The following XKR4 variants were observed in gnomAD, a reference collection of about 807,000 sequenced individuals.
The protein encoded by XKR4 is XK-related protein 4.
XKR4 carries 12 observed loss-of-function variants against 53.9 expected under a neutral mutation model. The ratio of observed to expected loss-of-function variants is 0.22; its 90% CI spans 0.14 to 0.36. The LOEUF is 0.36. Among genes scored for constraint, XKR4 ranks in the 10% least tolerant of loss-of-function variants. The pLI, the probability that XKR4 is intolerant of heterozygous loss-of-function variation, is 1.00. For missense variants in XKR4, 799 were observed against 859.5 expected, an observed-to-expected ratio of 0.93 and a Z score of 0.88; for synonymous variants, 354 against 362.4, an observed-to-expected ratio of 0.98 and a Z score of 0.26.
chr8:55,198,174 G>C (rs1167479891), intron 1 of XKR4, among the ~76,000 whole-genome samples: 1 of 152,186 alleles, frequency 6.6e-6, no homozygotes, highest in African/African-American at 2.4e-5. Flanking sequence ...TGCCTGTGCA[G>C]ATCAACCAGG....
intron 1 of XKR4, among the ~76,000 whole-genome samples, chr8:55,125,443 A>C (rs540366881): frequency 7.2e-5 from 11 of 152,314 alleles, no homozygotes; most frequent in Non-Finnish European, 1.0e-4. Flanking sequence ...CATGTTGGTC[A>C]GGCTGGTCTC....
At chr8:55,196,345 C>T (rs1214584937) in intron 1 of XKR4, among the ~76,000 whole-genome samples, 1 of 152,000 alleles carries the variant, frequency 6.6e-6, no homozygotes, top group Non-Finnish European at 1.5e-5. Context: ...CCATGCGCAG[C>T]TAATTTTTTG....
At chr8:55,451,896 C>G in intron 2 of XKR4, 2 of 834,210 alleles carry the variant, frequency 2.4e-6, no homozygotes, top group Non-Finnish European at 4.0e-6. Context: ...CCAGCTCTTC[C>G]GACACTGAGA....
chr8:55,324,955 G>A (rs1230896251), intron 1 of XKR4, among the ~76,000 whole-genome samples: 1 of 151,896 alleles, frequency 6.6e-6, no homozygotes, highest in African/African-American at 2.4e-5. Context: ...AATTCTACAG[G>A]GTCACTGATT....
intron 1 of XKR4, among the ~76,000 whole-genome samples, chr8:55,240,894 T>G (rs1818201263): frequency 6.6e-6 from 1 of 152,116 alleles, no homozygotes; most frequent in African/African-American, 2.4e-5. Context: ...TTATTTCCAG[T>G]GTTATACTCT....
rs549193720 is a variant in XKR4 at position 55,447,294 on chromosome 8, T to C, written c.1007-75987T>C. Among the ~76,000 whole-genome samples the C allele has an allele frequency of 9.9e-5, 15 of 152,212 alleles. 1 individual carries two copies. The South Asian group carries it at 1.9e-3, about 19-fold the overall frequency. The stretch of plus-strand genomic sequence containing the variant: ...AAGAGGATATGACTTCTTAATAAAT[T>C]AGATAGAAAGTGAGAGCCAAATCCA... On this transcript the variant is annotated intron_variant, in intron 2 of 2. Transcript: ENST00000327381.
At chr8:55,416,183 T>TA (rs1403672429) in intron 2 of XKR4, among the ~76,000 whole-genome samples, 2 of 152,110 alleles carry the variant, frequency 1.3e-5, no homozygotes, top group African/African-American at 4.8e-5. Flanking sequence ...ATTAAAGGGC[T>TA]AAAAAATGGA....
At chr8:55,357,514 G>A (rs1004502863) in intron 1 of XKR4, among the ~76,000 whole-genome samples, 164 bp from the exon 2 acceptor site, 5 of 152,148 alleles carry the variant, frequency 3.3e-5, no homozygotes, top group Admixed American at 1.3e-4. Flanking sequence ...ACAAATATGG[G>A]TACTCTTAAG....
At position 55,233,476 on chromosome 8, in the gene XKR4, G is replaced by T. The variant is rs78327895; in HGVS notation, c.807-124202G>T. Among the ~76,000 whole-genome samples the T allele has an allele frequency of 4.6e-3, 702 of 152,212 alleles. 6 individuals are homozygous for T. Among genetic ancestry groups the T allele is most frequent in the African/African-American group, 0.016 (654 of 41,550 alleles). The stretch of plus-strand genomic sequence containing the variant: ...GGAACAGCACTTGGTCCCATCACCT[G>T]GAAGGGCATGGCCTCATGCCTGCAC... On this transcript the variant is annotated intron_variant, in intron 1 of 2. Coordinates refer to ENST00000327381, the MANE Select transcript of XKR4 (RefSeq NM_052898.2).
At chr8:55,332,616 T>A (rs899612855) in intron 1 of XKR4, among the ~76,000 whole-genome samples, 5 of 152,070 alleles carry the variant, frequency 3.3e-5, no homozygotes, top group African/African-American at 1.2e-4. Flanking sequence ...GTTCTTTAAA[T>A]ATATCATCCC....
intron 1 of XKR4, among the ~76,000 whole-genome samples, chr8:55,165,698 G>T (rs1008410415): frequency 7.2e-5 from 11 of 151,772 alleles, no homozygotes; most frequent in African/African-American, 2.7e-4. Context: ...CCAGCTATGT[G>T]GGAGGCTGAG....
chr8:55,401,305 A>C (rs1448566531), intron 2 of XKR4, among the ~76,000 whole-genome samples: 2 of 152,232 alleles, frequency 1.3e-5, no homozygotes, highest in Non-Finnish European at 2.9e-5. Flanking sequence ...CTGGTATCCC[A>C]GAGCACACAA....
chr8:55,159,543 T>A (rs1816956509), intron 1 of XKR4, among the ~76,000 whole-genome samples: 1 of 152,092 alleles, frequency 6.6e-6, no homozygotes, highest in South Asian at 2.1e-4. Context: ...AAACTTGGGG[T>A]CATGTTGCCC....
At chr8:55,449,388 G>T (rs1002138531) in intron 2 of XKR4, 1 of 617,232 alleles carries the variant, frequency 1.6e-6, no homozygotes, top group Non-Finnish European at 2.9e-6. Context: ...AGTGCTGGGG[G>T]CTCGGGGCCT....
chr8:55,232,136 T>C (rs539957327), intron 1 of XKR4, among the ~76,000 whole-genome samples: 13 of 152,174 alleles, frequency 8.5e-5, no homozygotes, highest in Non-Finnish European at 1.8e-4. Context: ...TCATTTTCCG[T>C]TGGGTTGTAC....
At chr8:55,435,487 C>A (rs1214355602) in intron 2 of XKR4, among the ~76,000 whole-genome samples, 2 of 151,992 alleles carry the variant, frequency 1.3e-5, no homozygotes, top group Non-Finnish European at 2.9e-5. Context: ...CCAATTTCAC[C>A]CTTTTTATAG....
intron 1 of XKR4, among the ~76,000 whole-genome samples, chr8:55,196,374 G>T (rs931247661): frequency 6.6e-6 from 1 of 151,884 alleles, no homozygotes. Flanking sequence ...GTAGAGATGG[G>T]GTTTCTCCAT....
chr8:55,465,046 A>G (rs1805736354), intron 2 of XKR4, among the ~76,000 whole-genome samples: 1 of 152,146 alleles, frequency 6.6e-6, no homozygotes, highest in South Asian at 2.1e-4. Flanking sequence ...AATAACATGA[A>G]AATGGCCATA....
intron 1 of XKR4, among the ~76,000 whole-genome samples, chr8:55,325,362 G>A (rs1488178733): frequency 6.6e-6 from 1 of 152,114 alleles, no homozygotes; most frequent in Non-Finnish European, 1.5e-5. Context: ...ATGGGCGTCA[G>A]GGCTTTCTCA....
Sources: gnomAD v4.1 joint callset for allele counts (sites outside exome capture counted in the v4.1 genomes callset) on GRCh38, gnomAD v4.1.1 for gene constraint, MANE v1.5 for transcripts, NCBI Gene and HGNC (gene_info 2026-07-23, HGNC 2026-07-21) for gene names.